Variants in TNFRSF25 observed in about 807,000 individuals in gnomAD.
TNFRSF25 encodes tumor necrosis factor receptor superfamily member 25.
TNFRSF25 carries 28 observed loss-of-function variants against 49.4 expected under a neutral mutation model. The observed-to-expected ratio is 0.57, with a 90% CI of 0.42 to 0.78. The LOEUF is 0.78. Ranked by LOEUF, TNFRSF25 falls within the 30% of genes least tolerant of loss-of-function variation. The probability of loss-of-function intolerance (pLI) is 0.00; values close to 1 mark genes in which losing one functional copy is unlikely to be tolerated. For missense variants in TNFRSF25, 531 were observed against 581.6 expected, an observed-to-expected ratio of 0.91 and a Z score of 0.90; for synonymous variants, 240 against 234.2, an observed-to-expected ratio of 1.02 and a Z score of -0.23.
rs772090930 is a variant in TNFRSF25 at position 6,462,828 on chromosome 1, G to A, written c.706+35C>T. 3.8e-6 allele frequency: 6 copies of A among 1,583,110 alleles called. No homozygotes were observed. The highest frequency in any genetic ancestry group is 5.2e-6 in the Non-Finnish European group (6 of 1,162,794). ...CTCTGGGCTACCCATCCTGACCCCAGGCTTCTGGGTGCGTGTGTGGGTGTG... is the reference window on the plus strand; with the variant it reads ...CTCTGGGCTACCCATCCTGACCCCAAGCTTCTGGGTGCGTGTGTGGGTGTG... On this transcript the variant is annotated intron_variant, in intron 7 of 9. Coordinates refer to ENST00000356876, the MANE Select transcript of TNFRSF25 (RefSeq NM_003790.3). The surrounding 1 kb of genome is among the most constrained non-coding windows in gnomAD (Gnocchi z 4.2).
intron 1 of TNFRSF25, chr1:6,465,775 C>A: frequency 7.0e-7 from 1 of 1,428,196 alleles, no homozygotes. Flanking sequence ...CAGCCCCTCA[C>A]AAGTTTCCCC....
chr1:6,464,450 G>A lies in TNFRSF25; in HGVS notation c.467C>T (p.Ser156Phe). The A allele has an allele frequency of 6.2e-7, 1 of 1,611,558 alleles. No individual in the cohort carries two copies. Among genetic ancestry groups the A allele is most frequent in the Non-Finnish European group, 8.5e-7 (1 of 1,179,012 alleles). The change falls in exon 5 of 10, where the codon TCC (serine) becomes TTC (phenylalanine). Residue 156 changes from serine to phenylalanine, a missense_variant. Ser to Phe is a radical substitution (Grantham distance 155, BLOSUM62 -2). Transcript: ENST00000356876. ...GGTCCCACAGTCAGTATCTCTGCGGGAACCTGCAATCCAGGAGAGGCATGC... is the reference window on the plus strand; with the variant it reads ...GGTCCCACAGTCAGTATCTCTGCGGAAACCTGCAATCCAGGAGAGGCATGC... ...ALHRHTRLLC[S>F]RRDTDCGTCL...
In TNFRSF25 at chr1:6,462,841, G is replaced by A. The variant is rs759800310; in HGVS notation, c.706+22C>T. ...ATCCTGACCCCAGGCTTCTGGGTGCGTGTGTGGGTGTGTGTACTTACCAGT... is the reference window on the plus strand; with the variant it reads ...ATCCTGACCCCAGGCTTCTGGGTGCATGTGTGGGTGTGTGTACTTACCAGT... On this transcript the variant is annotated intron_variant, in intron 7 of 9. Transcript: ENST00000356876. This position sits in a 1 kb window ranked among gnomAD's most constrained non-coding sequence, Gnocchi z 4.2. 1.5e-5 allele frequency: 24 copies of A among 1,593,056 alleles called. No homozygotes were observed. The highest frequency in any genetic ancestry group is 3.5e-5 in the Admixed American group (2 of 56,896).
chr1:6,462,899 A>T lies in TNFRSF25; in HGVS notation c.670T>A (p.Tyr224Asn). 1 of 1,608,012 alleles carries T rather than the reference A, an allele frequency of 6.2e-7. No homozygotes were observed. Among genetic ancestry groups the T allele is most frequent in the Non-Finnish European group, 8.5e-7 (1 of 1,177,306 alleles). Residue 224 changes from tyrosine to asparagine, a missense_variant, in exon 7 of 10, where the codon TAC becomes AAC. Tyr to Asn is a moderately radical substitution (Grantham distance 143). Transcript: ENST00000356876. The surrounding 1 kb of genome is among the most constrained non-coding windows in gnomAD (Gnocchi z 4.2). ...LLLGATLTYTYRHCWPHKPLV... is the reference protein window; with the variant it reads ...LLLGATLTYTNRHCWPHKPLV... The stretch of plus-strand genomic sequence containing the variant: ...GGCTTGTGAGGCCAGCAGTGGCGGT[A>T]TGTGTAGGTCAGGGTGGCCCCAAGC...
In TNFRSF25 at chr1:6,465,156, TC is replaced by T. The variant is rs1569804037; in HGVS notation, c.226del (p.Asp76ThrfsTer67). 3 of 1,613,774 alleles carry T rather than the reference TC, an allele frequency of 1.9e-6. No homozygotes were observed. The African/African-American group carries it at 4.0e-5, about 22-fold the overall frequency. Reference sequence around the variant, plus strand: ...GTGGTTCTCCCAGGCCAAGAAGGTGTCTTGGGGACACACAAGGCAGGTGGAG... The same window carrying T: ...GTGGTTCTCCCAGGCCAAGAAGGTGTTTGGGGACACACAAGGCAGGTGGAG... The part of the protein sequence containing the change: ...GNSTCLVCPQ[D>X]TFLAWENHHN... On this transcript the variant is annotated frameshift_variant, in exon 3 of 10. Coordinates refer to ENST00000356876, the MANE Select transcript of TNFRSF25 (RefSeq NM_003790.3). LOFTEE classifies it high-confidence loss of function.
Position 6,461,733 on chromosome 1 carries a change from C to G in TNFRSF25, c.955G>C (p.Glu319Gln), listed in dbSNP as rs759069957. Residue 319 changes from glutamate (E) to glutamine (Q), a missense_variant, in exon 10 of 10, where the codon GAG becomes CAG. Glu to Gln is a conservative substitution (Grantham distance 29). Coordinates refer to ENST00000356876, the MANE Select transcript of TNFRSF25 (RefSeq NM_003790.3). This position sits in a 1 kb window ranked among gnomAD's most constrained non-coding sequence, Gnocchi z 6.3. Reference protein sequence around the residue: ...GPAAAPTLSPESPAGSPAMML... With the variant: ...GPAAAPTLSPQSPAGSPAMML... ...ATGGCTGGCGAGCCGGCTGGGGACT[C>G]TGGCGAGAGTGTGGGCGCAGCAGCG... 3.6e-5 allele frequency: 56 copies of G among 1,545,098 alleles called. No individual in the cohort carries two copies. The African/African-American group carries it at 6.0e-4, about 17-fold the overall frequency.
In TNFRSF25 at chr1:6,464,595, T is replaced by C. The variant is rs34817737; in HGVS notation, c.420A>G (p.Pro140=). ...GGTGCAGGGCCCCGCAGTCTAGGCA[T>C]GGTTGGCAGTAGAAGGGTGAACTGC... The part of the protein sequence containing the change: ...CVSSSPFYCQ[P]CLDCGALHRH... The change falls in exon 4 of 10, where the codon CCA becomes CCG. Residue 140 remains proline, a synonymous_variant. Transcript: ENST00000356876. The C allele has an allele frequency of 1.5e-3, 2,341 of 1,614,052 alleles. 24 individuals carry two copies. In the African/African-American group the frequency reaches 0.027, roughly 19 times the overall value.
intron 5 of TNFRSF25, 98 bp from the exon 6 acceptor site, chr1:6,463,225 C>T (rs1393437925): frequency 6.7e-6 from 8 of 1,195,234 alleles, no homozygotes; most frequent in Non-Finnish European, 9.5e-6. Context: ...AGACCCTTCC[C>T]TCCCCAGGCC....
chr1:6,463,017 G>C (rs753627878), intron 6 of TNFRSF25, 47 bp from the exon 7 acceptor site: 1 of 1,554,150 alleles, frequency 6.4e-7, no homozygotes, highest in South Asian at 1.2e-5. Flanking sequence ...CTCCTCACCC[G>C]CCTCCCCTCG....
rs1644174438 is a variant in TNFRSF25 at position 6,461,626 on chromosome 1, C to T, written c.1062G>A (p.Leu354=). ...ARRWKEFVRT[L]GLREAEIEAV... is the part of the protein sequence containing the mutation. ...CTTCGATCTCTGCCTCGCGCAGCCC[C>T]AGCGTGCGCACGAACTCCTTCCAGC... is the stretch of plus-strand genomic sequence containing the variant. Residue 354 remains leucine (L), a synonymous_variant, in exon 10 of 10, where the codon CTG becomes CTA. Transcript: ENST00000356876. This position sits in a 1 kb window ranked among gnomAD's most constrained non-coding sequence, Gnocchi z 6.3. The T allele has an allele frequency of 6.2e-7, 1 of 1,608,672 alleles. No individual in the cohort carries two copies. Among genetic ancestry groups the T allele is most frequent in the Non-Finnish European group, 8.5e-7 (1 of 1,179,222 alleles).
Position 6,462,788 on chromosome 1 carries a change from T to G in TNFRSF25, c.706+75A>C, listed in dbSNP as rs1223076510. 5.1e-6 allele frequency: 8 copies of G among 1,567,384 alleles called. No homozygotes were observed. The highest frequency in any genetic ancestry group is 6.9e-6 in the Non-Finnish European group (8 of 1,154,914). On this transcript the variant is annotated intron_variant, in intron 7 of 9. Transcript: ENST00000356876. This position sits in a 1 kb window ranked among gnomAD's most constrained non-coding sequence, Gnocchi z 4.2. ...CCCTGCCTCAGTTTCCCCTTCTGTA[T>G]CAGGGTTGAGTAGACTCTGGGCTAC...
rs1644204460 is a variant in TNFRSF25, at chr1:6,462,428, G to A, written c.744+201C>T. The A allele has an allele frequency of 1.5e-6, 2 of 1,336,128 alleles. No individual in the cohort carries two copies. Among genetic ancestry groups the A allele is most frequent in the Non-Finnish European group, 2.0e-6 (2 of 1,003,040 alleles). 82.8% of individuals were successfully genotyped at this position (1,336,128 alleles called of 1,614,324 possible). A position where few individuals can be genotyped will look rare whatever the true frequency, so the allele number is the denominator to read the frequency against. On this transcript the variant is annotated intron_variant, in intron 8 of 9. Coordinates refer to ENST00000356876, the MANE Select transcript of TNFRSF25 (RefSeq NM_003790.3). This position sits in a 1 kb window ranked among gnomAD's most constrained non-coding sequence, Gnocchi z 4.2. ...CTTCCATTGAACTGTTAGCTCCTGT[G>A]TACGAATCTGAACTCCAGCTGACTG...
rs1258068559 is a variant in TNFRSF25, at chr1:6,466,115, C to T, written c.-8G>A. On this transcript the variant is annotated 5_prime_UTR_variant, in exon 1 of 10. Coordinates refer to ENST00000356876, the MANE Select transcript of TNFRSF25 (RefSeq NM_003790.3). The stretch of plus-strand genomic sequence containing the variant: ...CCGCGGCCGCTGCTCCATAGCCCTC[C>T]GACGGGCGCCCAGGGGCTTCCCGGC... 2 of 1,532,262 alleles carry T rather than the reference C, an allele frequency of 1.3e-6. No individual in the cohort carries two copies. The highest frequency in any genetic ancestry group is 3.0e-5 in the African/African-American group (2 of 66,736). 94.9% of individuals were successfully genotyped at this position (1,532,262 alleles called of 1,614,324 possible). A position where few individuals can be genotyped will look rare whatever the true frequency, so the allele number is the denominator to read the frequency against.
chr1:6,466,084 G>A lies in TNFRSF25; in HGVS notation c.24C>T (p.Cys8=). The A allele has an allele frequency of 5.7e-6, 9 of 1,575,970 alleles. No homozygotes were observed. Among genetic ancestry groups the A allele is most frequent in the Non-Finnish European group, 7.7e-6 (9 of 1,163,814 alleles). The change falls in exon 1 of 10, where the codon TGC becomes TGT. Residue 8 remains cysteine (C), a synonymous_variant. Transcript: ENST00000356876. ...CTCAACTCACCGCCGCCACCGCCGCGCAGCCCCGCGGCCGCTGCTCCATAG... is the reference window on the plus strand; with the variant it reads ...CTCAACTCACCGCCGCCACCGCCGCACAGCCCCGCGGCCGCTGCTCCATAG... MEQRPRG[C]AAVAAALLLV... is the part of the protein sequence containing the mutation.
intron 5 of TNFRSF25, 57 bp from the exon 6 acceptor site, chr1:6,463,184 C>T (rs933849500): frequency 7.2e-6 from 11 of 1,519,090 alleles, no homozygotes; most frequent in Non-Finnish European, 8.9e-6. Flanking sequence ...GAGGGGCTCC[C>T]TAAGACTGCC....
At chr1:6,465,321 C>T in intron 2 of TNFRSF25, 99 bp from the exon 3 acceptor site, 3 of 1,582,418 alleles carry the variant, frequency 1.9e-6, no homozygotes, top group Non-Finnish European at 2.6e-6. Context: ...CTCCAGCTCC[C>T]TACTTCTCTG....
chr1:6,465,767 G>A lies in TNFRSF25; in HGVS notation c.40-207C>T, dbSNP rs920106346. ...CAGGCTTCGGAGGGGGCGCTTACCA[G>A]CCCCTCACAAGTTTCCCCTCCACCA... On this transcript the variant is annotated intron_variant, in intron 1 of 9. Coordinates refer to ENST00000356876, the MANE Select transcript of TNFRSF25 (RefSeq NM_003790.3). 3.2e-5 allele frequency: 46 copies of A among 1,427,470 alleles called. No individual in the cohort carries two copies. In the Middle Eastern group the frequency reaches 1.3e-3, roughly 40 times the overall value. 88.4% of individuals were successfully genotyped at this position (1,427,470 alleles called of 1,614,324 possible). A position where few individuals can be genotyped will look rare whatever the true frequency, so the allele number is the denominator to read the frequency against.
At position 6,460,874 on chromosome 1, in the gene TNFRSF25, C is replaced by G. The variant is rs1644151067; in HGVS notation, c.*560G>C. 3.1e-6 allele frequency: 1 copy of G among 326,436 alleles called. No individual in the cohort carries two copies. The highest frequency in any genetic ancestry group is 2.2e-5 in the African/African-American group (1 of 45,338). 20.2% of individuals were successfully genotyped at this position (326,436 alleles called of 1,614,324 possible). Reference sequence around the variant, plus strand: ...GACCCTGTGTCTCCAACTGCTGCACCCCATCCCGACCCTGTCTCCGCCACC... The same window carrying G: ...GACCCTGTGTCTCCAACTGCTGCACGCCATCCCGACCCTGTCTCCGCCACC... On this transcript the variant is annotated 3_prime_UTR_variant, in exon 10 of 10. Transcript: ENST00000356876.
chr1:6,465,650 T>G, intron 1 of TNFRSF25, 90 bp from the exon 2 acceptor site: 1 of 1,526,766 alleles, frequency 6.5e-7, no homozygotes, highest in Non-Finnish European at 8.8e-7. Flanking sequence ...GCCCCAGCAT[T>G]TGCCCACAGA....
Sources: allele counts gnomAD v4.1 joint callset, GRCh38; gene constraint gnomAD v4.1.1; non-coding constraint Gnocchi (gnomAD v3.1); transcripts MANE v1.5; gene names NCBI Gene and HGNC (gene_info 2026-07-23, HGNC 2026-07-21).